Variants in DIRAS2 observed in about 807,000 individuals in gnomAD.
DIRAS2 encodes the protein DIRAS family GTPase 2, also known as GTP-binding protein Di-Ras2.
Under a neutral mutation model 13.9 loss-of-function variants are expected in DIRAS2, and 5 were observed. That is an observed-to-expected ratio of 0.36 (90% CI 0.19 to 0.76). The LOEUF (loss-of-function observed/expected upper bound fraction) is 0.76. DIRAS2 is among the 30% of genes least tolerant of loss of function. DIRAS2 has a pLI of 0.53. For synonymous variants in DIRAS2, 111 were observed against 105.4 expected (o/e 1.05, Z -0.33); for missense variants, 191 against 263.0 (o/e 0.73, Z 1.89).
intron 1 of DIRAS2, among the ~76,000 whole-genome samples, chr9:90,618,653 A>G (rs1287343911): frequency 6.6e-6 from 1 of 152,210 alleles, no homozygotes; most frequent in African/African-American, 2.4e-5. Context: ...CTGATAAGGG[A>G]CTAGTTCTGG....
At chr9:90,641,369 C>G (rs1180010210) in intron 1 of DIRAS2, among the ~76,000 whole-genome samples, 2 of 152,188 alleles carry the variant, frequency 1.3e-5, no homozygotes, top group Non-Finnish European at 2.9e-5. Flanking sequence ...GTATAGACAG[C>G]AATACCCCCT....
At chr9:90,623,417 C>T (rs910662769) in intron 1 of DIRAS2, among the ~76,000 whole-genome samples, 1 of 152,108 alleles carries the variant, frequency 6.6e-6, no homozygotes, top group Middle Eastern at 3.4e-3. Flanking sequence ...TCAACACTCC[C>T]TTATACTCCA....
At chr9:90,627,715 G>T (rs1401444316) in intron 1 of DIRAS2, among the ~76,000 whole-genome samples, 4 of 152,256 alleles carry the variant, frequency 2.6e-5, no homozygotes, top group African/African-American at 9.6e-5. Context: ...ATAATAAAAA[G>T]ATATGACTGT....
intron 1 of DIRAS2, among the ~76,000 whole-genome samples, chr9:90,641,591 GA>G (rs199555510): frequency 6.6e-6 from 1 of 151,230 alleles, no homozygotes; most frequent in Non-Finnish European, 1.5e-5. Context: ...CAACCAAGAA[GA>G]AAAAAAAGTA....
intron 1 of DIRAS2, among the ~76,000 whole-genome samples, chr9:90,628,915 C>T (rs1022309799): frequency 2.0e-5 from 3 of 151,602 alleles, no homozygotes; most frequent in South Asian, 4.2e-4. Context: ...AGTGCAGTGG[C>T]GCAATCTCGG....
At chr9:90,621,156 G>A (rs1456780787) in intron 1 of DIRAS2, among the ~76,000 whole-genome samples, 1 of 152,080 alleles carries the variant, frequency 6.6e-6, no homozygotes, top group Non-Finnish European at 1.5e-5. Flanking sequence ...TAGAAGTTAT[G>A]TTACAACAGG....
chr9:90,638,336 A>G (rs1273427118), intron 1 of DIRAS2, among the ~76,000 whole-genome samples: 1 of 152,238 alleles, frequency 6.6e-6, no homozygotes, highest in African/African-American at 2.4e-5. Flanking sequence ...TTTTCATGAT[A>G]TTCAGAGAAA....
At chr9:90,640,866 A>C (rs1015723177) in intron 1 of DIRAS2, among the ~76,000 whole-genome samples, 2 of 152,230 alleles carry the variant, frequency 1.3e-5, no homozygotes, top group African/African-American at 2.4e-5. Flanking sequence ...ATGATTTTGC[A>C]TAAATAAATA....
chr9:90,630,030 T>A (rs756957121), intron 1 of DIRAS2, among the ~76,000 whole-genome samples: 1 of 152,244 alleles, frequency 6.6e-6, no homozygotes, highest in Non-Finnish European at 1.5e-5. Context: ...TTGATACATA[T>A]ATTCTTCTTT....
chr9:90,611,567 ACTG>A lies in DIRAS2; in HGVS notation c.*1658_*1660del. ...TGCTTTGGGGGATGGAGATGGCCAC[ACTG>A]CTGCTGCTGCAAGCCCTGCATAGGA... On this transcript the variant is annotated 3_prime_UTR_variant, in exon 2 of 2. Coordinates refer to ENST00000375765, the MANE Select transcript of DIRAS2 (RefSeq NM_017594.5). 3 of 152,576 alleles carry A rather than the reference ACTG, an allele frequency of 2.0e-5. No individual in the cohort carries two copies. Among genetic ancestry groups the A allele is most frequent in the Non-Finnish European group, 4.4e-5 (3 of 68,226 alleles). The allele number at this position is 152,576 out of a possible 1,614,324, so 9.5% of individuals were successfully genotyped here.
intron 1 of DIRAS2, among the ~76,000 whole-genome samples, chr9:90,623,316 G>A (rs575287185): frequency 6.6e-6 from 1 of 151,990 alleles, no homozygotes; most frequent in Non-Finnish European, 1.5e-5. Flanking sequence ...TCTGTTTATC[G>A]ACAGGCCATC....
intron 1 of DIRAS2, among the ~76,000 whole-genome samples, chr9:90,623,237 T>C (rs778681573): frequency 2.6e-5 from 4 of 152,210 alleles, no homozygotes; most frequent in South Asian, 2.1e-4. Context: ...TTCCATTTGA[T>C]TTATGAAAGA....
chr9:90,620,637 T>A (rs545027871), intron 1 of DIRAS2, among the ~76,000 whole-genome samples: 4 of 151,410 alleles, frequency 2.6e-5, no homozygotes, highest in African/African-American at 4.9e-5. Context: ...GTGCCTGTAA[T>A]CCCAGTTATT....
rs71360439 is a variant in DIRAS2, at chr9:90,628,522, TACACACAC to T, written c.-37+14222_-37+14229del. ...GAAATGCAAAATAAAACAAAATTTA[TACACACAC>T]ACACACACACACACACACACACGTA... On this transcript the variant is annotated intron_variant, in intron 1 of 1. Transcript: ENST00000375765. 4.0e-3 allele frequency among the ~76,000 whole-genome samples: 593 copies of T among 149,264 alleles called. 4 individuals carry two copies. The highest frequency in any genetic ancestry group is 8.0e-3 in the Admixed American group (120 of 14,992).
At chr9:90,635,629 A>G (rs1217868718) in intron 1 of DIRAS2, among the ~76,000 whole-genome samples, 6 of 152,254 alleles carry the variant, frequency 3.9e-5, no homozygotes, top group Admixed American at 3.9e-4. Context: ...ATCATGGGAT[A>G]TTTAACTCAT....
At chr9:90,639,953 G>C (rs1825404060) in intron 1 of DIRAS2, among the ~76,000 whole-genome samples, 1 of 152,178 alleles carries the variant, frequency 6.6e-6, no homozygotes, top group South Asian at 2.1e-4. Flanking sequence ...CTATAGCTGT[G>C]CTGGACAATA....
At position 90,611,060 on chromosome 9, in the gene DIRAS2, T is replaced by A. The variant is rs1189284248; in HGVS notation, c.*2168A>T. On this transcript the variant is annotated 3_prime_UTR_variant, in exon 2 of 2. Transcript: ENST00000375765. ...AGAACCCAATCAAAATCTATAGGTC[T>A]ACTTTGGCCATGAAGTTCTGTTTCT... The A allele has an allele frequency of 1.3e-5, 2 of 152,228 alleles. No individual in the cohort carries two copies. Among genetic ancestry groups the A allele is most frequent in the Admixed American group, 1.3e-4 (2 of 15,288 alleles). 9.4% of individuals were successfully genotyped at this position (152,228 alleles called of 1,614,324 possible). A position where few individuals can be genotyped will look rare whatever the true frequency, so the allele number is the denominator to read the frequency against.
chr9:90,640,768 G>A (rs1825412101), intron 1 of DIRAS2, among the ~76,000 whole-genome samples: 1 of 152,140 alleles, frequency 6.6e-6, no homozygotes, highest in South Asian at 2.1e-4. Flanking sequence ...CAGCTGGCAG[G>A]CAACCACTCC....
intron 1 of DIRAS2, among the ~76,000 whole-genome samples, chr9:90,615,917 G>C (rs1370069396): frequency 6.6e-6 from 1 of 152,186 alleles, no homozygotes; most frequent in Non-Finnish European, 1.5e-5. Flanking sequence ...ATAGAAAATG[G>C]ACAATGGAAT....
Sources: allele counts gnomAD v4.1 joint callset (sites outside exome capture counted in the v4.1 genomes callset), GRCh38; gene constraint gnomAD v4.1.1; transcripts MANE v1.5; gene names NCBI Gene and HGNC (gene_info 2026-07-23, HGNC 2026-07-21).